The following GFRA2 variants were observed in gnomAD, a reference collection of about 807,000 sequenced individuals.
GFRA2 encodes GDNF family receptor alpha 2.
A neutral mutation model predicts 48.3 loss-of-function variants in GFRA2; 17 were observed. The ratio of observed to expected loss-of-function variants is 0.35; its 90% CI spans 0.24 to 0.53. The LOEUF is 0.53. Among genes scored for constraint, GFRA2 ranks in the 20% least tolerant of loss-of-function variants. The probability of loss-of-function intolerance (pLI) is 0.93; values close to 1 mark genes in which losing one functional copy is unlikely to be tolerated. For missense variants in GFRA2, 660 were observed against 637.3 expected, an observed-to-expected ratio of 1.04 and a Z score of -0.38; for synonymous variants, 305 against 257.2, an observed-to-expected ratio of 1.19 and a Z score of -1.78.
chr8:21,760,512 A>G (rs1415520407), intron 3 of GFRA2, among the ~76,000 whole-genome samples: 1 of 152,240 alleles, frequency 6.6e-6, no homozygotes, highest in Admixed American at 6.5e-5. Flanking sequence ...GTAGATGGAG[A>G]TATCATTTCA....
intron 3 of GFRA2, among the ~76,000 whole-genome samples, chr8:21,759,145 C>A (rs1175957880): frequency 5.3e-5 from 8 of 151,986 alleles, no homozygotes; most frequent in Admixed American, 2.0e-4. Context: ...AGCCCCAGCG[C>A]TTTGAGAGGC....
intron 1 of GFRA2, among the ~76,000 whole-genome samples, chr8:21,808,274 C>T (rs1387849528): frequency 6.6e-6 from 1 of 152,176 alleles, no homozygotes; most frequent in Non-Finnish European, 1.5e-5. Context: ...CATGTCGGCT[C>T]CCAAATCCTA....
chr8:21,786,368 C>G (rs1585342642), intron 1 of GFRA2, among the ~76,000 whole-genome samples: 1 of 152,278 alleles, frequency 6.6e-6, no homozygotes, highest in South Asian at 2.1e-4. Context: ...GGGAGCCCTG[C>G]CCATGCTGGG....
chr8:21,781,351 C>T (rs1262510861), intron 2 of GFRA2, among the ~76,000 whole-genome samples: 1 of 152,168 alleles, frequency 6.6e-6, no homozygotes, highest in East Asian at 1.9e-4. Context: ...CGACACACCA[C>T]CTGCCACCCA....
chr8:21,745,676 G>T (rs1201404209), intron 4 of GFRA2, among the ~76,000 whole-genome samples: 1 of 152,164 alleles, frequency 6.6e-6, no homozygotes, highest in Non-Finnish European at 1.5e-5. Context: ...CTCTCCAGGT[G>T]CCCCCTTGAG....
chr8:21,705,220 G>A (rs1001516821), intron 5 of GFRA2, 95 bp from the exon 6 acceptor site: 113 of 1,284,016 alleles, frequency 8.8e-5, no homozygotes, highest in Non-Finnish European at 3.5e-5. Flanking sequence ...GGGCAGAGGC[G>A]TGGTACCCAT....
upstream of GFRA2, among the ~76,000 whole-genome samples, chr8:21,792,781 G>A (rs1807598213): frequency 6.6e-6 from 1 of 152,206 alleles, no homozygotes; most frequent in African/African-American, 2.4e-5. Context: ...AAGTTCTCAG[G>A]AGGCTGGGTG....
chr8:21,704,673 G>A (rs1802652126), intron 6 of GFRA2, among the ~76,000 whole-genome samples: 1 of 152,182 alleles, frequency 6.6e-6, no homozygotes, highest in Non-Finnish European at 1.5e-5. Flanking sequence ...CATGACAGAT[G>A]CCAGCGATCC....
intron 1 of GFRA2, among the ~76,000 whole-genome samples, chr8:21,784,925 G>A (rs1379282716): frequency 1.3e-5 from 2 of 152,156 alleles, no homozygotes; most frequent in African/African-American, 2.4e-5. Context: ...CCCAAGAGCA[G>A]CTGAGTTGAC....
chr8:21,766,947 C>T (rs1474442764), intron 3 of GFRA2, among the ~76,000 whole-genome samples: 3 of 144,124 alleles, frequency 2.1e-5, no homozygotes, highest in Admixed American at 1.4e-4. Context: ...ACACACACTC[C>T]ACCACCGACA....
intron 4 of GFRA2, among the ~76,000 whole-genome samples, chr8:21,738,136 T>TCCCCCCCTCCTCATCCCC (rs1804564744): frequency 8.5e-6 from 1 of 117,664 alleles, no homozygotes; most frequent in African/African-American, 3.6e-5. Flanking sequence ...AGGACCACCA[T>TCCCCCCCTCCTCATCCCC]CTCCCCCTCC....
intron 2 of GFRA2, among the ~76,000 whole-genome samples, chr8:21,801,270 AC>A (rs1248400095): frequency 6.6e-6 from 1 of 151,944 alleles, no homozygotes; most frequent in African/African-American, 2.4e-5. Context: ...AATGAGAGTC[AC>A]CCCTCAGGCC....
At chr8:21,736,828 A>C (rs927546668) in intron 4 of GFRA2, among the ~76,000 whole-genome samples, 1 of 151,612 alleles carries the variant, frequency 6.6e-6, no homozygotes, top group Non-Finnish European at 1.5e-5. Flanking sequence ...TAGGGCTTTT[A>C]TAATCAACAA....
At chr8:21,790,395 T>A (rs1807539263), upstream of GFRA2, among the ~76,000 whole-genome samples, 1 of 152,236 alleles carries the variant, frequency 6.6e-6, no homozygotes, top group Non-Finnish European at 1.5e-5. Flanking sequence ...TTAAGATGCA[T>A]TCTTAAATAA....
At position 21,782,733 on chromosome 8, in the gene GFRA2, G is replaced by A. The variant is rs1290009744; in HGVS notation, c.207C>T (p.Arg69=). ...ACTCCTTGTTGGCCAGCATGGTGTT[G>A]CGGTCGCGGCCTGCCAGGCACTGCC... The part of the protein sequence containing the change: ...TLRQCLAGRD[R]NTMLANKECQ... The change falls in exon 2 of 9, where the codon CGC becomes CGT. Residue 69 remains arginine (R), a synonymous_variant. Transcript: ENST00000524240. 3 of 1,597,214 alleles carry A rather than the reference G, an allele frequency of 1.9e-6. No homozygotes were observed. Among genetic ancestry groups the A allele is most frequent in the Non-Finnish European group, 1.7e-6 (2 of 1,172,748 alleles).
intron 1 of GFRA2, among the ~76,000 whole-genome samples, chr8:21,784,552 G>A (rs1383066675): frequency 2.0e-5 from 3 of 152,146 alleles, no homozygotes; most frequent in Non-Finnish European, 2.9e-5. Context: ...TGCACAGCGG[G>A]CCTTCGCTCC....
rs368808990 is a variant in GFRA2 at position 21,784,879 on chromosome 8, T to A, written c.41-1980A>T. Among the ~76,000 whole-genome samples the A allele has an allele frequency of 1.0e-3, 154 of 152,254 alleles. 1 individual carries two copies. In the East Asian group the frequency reaches 0.017, roughly 16 times the overall value. On this transcript the variant is annotated intron_variant, in intron 1 of 8. Coordinates refer to ENST00000524240, the MANE Select transcript of GFRA2 (RefSeq NM_001495.5). Reference sequence around the variant, plus strand: ...TTCTTCCCCGGCTTCAGCAGATTCCTACCTCCCTGAGCAGGACCCGCGTAC... The same window carrying A: ...TTCTTCCCCGGCTTCAGCAGATTCCAACCTCCCTGAGCAGGACCCGCGTAC...
intron 4 of GFRA2, among the ~76,000 whole-genome samples, chr8:21,715,452 G>A (rs1172841769): frequency 6.6e-6 from 1 of 152,208 alleles, no homozygotes; most frequent in Non-Finnish European, 1.5e-5. Context: ...GGGGCTATAG[G>A]CACGCACCAC....
chr8:21,789,933 G>A (rs1807511416), upstream of GFRA2: 4 of 316,302 alleles, frequency 1.3e-5, no homozygotes, highest in South Asian at 3.7e-4. Context: ...ACCCGGGCCG[G>A]GGCTCCGCAG....
Sources: gnomAD v4.1 joint callset for allele counts (sites outside exome capture counted in the v4.1 genomes callset) on GRCh38, gnomAD v4.1.1 for gene constraint, MANE v1.5 for transcripts, NCBI Gene and HGNC (gene_info 2026-07-23, HGNC 2026-07-21) for gene names.